The following PBK variants were observed in gnomAD, a reference collection of about 807,000 sequenced individuals.
The protein encoded by PBK is lymphokine-activated killer T-cell-originated protein kinase.
PBK carries 22 observed loss-of-function variants against 33.5 expected under a neutral mutation model. That is an observed-to-expected ratio of 0.66 (90% CI 0.47 to 0.94). The LOEUF is 0.94. PBK is among the 40% of genes least tolerant of loss of function. PBK has a pLI of 0.00. For synonymous variants in PBK, 129 were observed against 123.8 expected (o/e 1.04, Z -0.28); for missense variants, 376 against 383.4 (o/e 0.98, Z 0.16).
intron 6 of PBK, among the ~76,000 whole-genome samples, chr8:27,813,490 C>CCCCCAA (rs1327533217): frequency 6.6e-6 from 1 of 152,118 alleles, no homozygotes; most frequent in Non-Finnish European, 1.5e-5. Flanking sequence ...ATTGACTCCT[C>CCCCCAA]CCCCAAGCTT....
chr8:27,836,674 C>T (rs987560796), intron 1 of PBK, among the ~76,000 whole-genome samples: 8 of 152,056 alleles, frequency 5.3e-5, no homozygotes, highest in African/African-American at 1.7e-4. Context: ...TATGATGAGC[C>T]TTATGAGTCT....
At chr8:27,816,088 A>G (rs994375926) in intron 6 of PBK, among the ~76,000 whole-genome samples, 8 of 152,090 alleles carry the variant, frequency 5.3e-5, no homozygotes, top group African/African-American at 1.9e-4. Flanking sequence ...ATTAAACATC[A>G]TTTAGCGAGG....
At chr8:27,821,042 T>C (rs1805917967) in intron 5 of PBK, among the ~76,000 whole-genome samples, 1 of 151,914 alleles carries the variant, frequency 6.6e-6, no homozygotes, top group South Asian at 2.1e-4. Context: ...CAGGCTGGTC[T>C]GTCTCGAACT....
At chr8:27,821,658 C>T (rs929161219) in intron 5 of PBK, among the ~76,000 whole-genome samples, 6 of 152,148 alleles carry the variant, frequency 3.9e-5, no homozygotes, top group Admixed American at 6.5e-5. Flanking sequence ...ACTAATCCTA[C>T]ATACTTTATA....
intron 7 of PBK, 27 bp from the exon 8 acceptor site, chr8:27,810,528 T>A: frequency 7.1e-7 from 1 of 1,408,518 alleles, no homozygotes; most frequent in Non-Finnish European, 9.9e-7. Flanking sequence ...ATTGAAACAA[T>A]AAACAAAATC....
Position 27,811,159 on chromosome 8 carries a change from A to C in PBK, c.596-25T>G, listed in dbSNP as rs374524697. On this transcript the variant is annotated intron_variant, in intron 6 of 7. Transcript: ENST00000301905. The stretch of plus-strand genomic sequence containing the variant: ...ACTGAAACAAGCAAGATGGTTATGA[A>C]GGCAGGAGCTACAAATCACGAAAAG... 2.3e-4 allele frequency: 368 copies of C among 1,611,570 alleles called. No individual in the cohort carries two copies. The highest frequency in any genetic ancestry group is 2.8e-4 in the Non-Finnish European group (330 of 1,178,374).
intron 2 of PBK, among the ~76,000 whole-genome samples, chr8:27,831,518 A>T (rs1311863908): frequency 6.6e-6 from 1 of 152,224 alleles, no homozygotes; most frequent in African/African-American, 2.4e-5. Context: ...TAATATAAAA[A>T]GTATACAGAA....
chr8:27,829,877 A>C (rs1419312425), intron 2 of PBK, among the ~76,000 whole-genome samples: 1 of 150,344 alleles, frequency 6.7e-6, no homozygotes, highest in East Asian at 2.0e-4. Context: ...TCAAAAAATT[A>C]AAAAATCAAT....
chr8:27,830,096 G>A (rs375305398), intron 2 of PBK, among the ~76,000 whole-genome samples: 11 of 151,796 alleles, frequency 7.2e-5, no homozygotes, highest in Admixed American at 2.0e-4. Context: ...CCGACTACTC[G>A]GGAGGCTGAG....
rs867293593 is a variant in PBK, at chr8:27,820,553, A to C, written c.595+12T>G. Reference sequence around the variant, plus strand: ...TAAAAACAAAATTTTAAAACTTAAGAGTACAACTTACCAGTCATATTTTCA... The same window carrying C: ...TAAAAACAAAATTTTAAAACTTAAGCGTACAACTTACCAGTCATATTTTCA... On this transcript the variant is annotated intron_variant, in intron 6 of 7. Coordinates refer to ENST00000301905, the MANE Select transcript of PBK (RefSeq NM_018492.4). 6.6e-7 allele frequency: 1 copy of C among 1,513,946 alleles called. No homozygotes were observed. Among genetic ancestry groups the C allele is most frequent in the African/African-American group, 1.4e-5 (1 of 71,528 alleles). The allele number at this position is 1,513,946 out of a possible 1,614,324, so 93.8% of individuals were successfully genotyped here. A position where few individuals can be genotyped will look rare whatever the true frequency, so the allele number is the denominator to read the frequency against.
At chr8:27,814,619 C>G (rs980703240) in intron 6 of PBK, among the ~76,000 whole-genome samples, 1 of 152,020 alleles carries the variant, frequency 6.6e-6, no homozygotes, top group Non-Finnish European at 1.5e-5. Flanking sequence ...TAGAACTTTC[C>G]TTTTTTCCAA....
intron 6 of PBK, among the ~76,000 whole-genome samples, chr8:27,813,451 TAAAC>T (rs1455468405): frequency 3.9e-5 from 6 of 152,178 alleles, no homozygotes; most frequent in Admixed American, 1.3e-4. Context: ...CCCTAGAACT[TAAAC>T]AATTTTGTTA....
intron 1 of PBK, among the ~76,000 whole-genome samples, chr8:27,834,165 C>T (rs538059814): frequency 6.6e-6 from 1 of 151,870 alleles, no homozygotes; most frequent in South Asian, 2.1e-4. Context: ...GTAGCTGGGA[C>T]TACCAGCGCC....
rs1805658949 is a variant in PBK, at chr8:27,810,631, G to A, written c.773-130C>T. ...CTTTCCATTCTGCCACAGACAGAATGGAAATGTCTTCAATTGTCCTGCCAT... is the reference window on the plus strand; with the variant it reads ...CTTTCCATTCTGCCACAGACAGAATAGAAATGTCTTCAATTGTCCTGCCAT... On this transcript the variant is annotated intron_variant, in intron 7 of 7. Transcript: ENST00000301905. The A allele has an allele frequency of 4.8e-6, 3 of 619,086 alleles. No homozygotes were observed. In the South Asian group the frequency reaches 6.1e-5, roughly 13 times the overall value. 38.3% of individuals were successfully genotyped at this position (619,086 alleles called of 1,614,324 possible). A position where few individuals can be genotyped will look rare whatever the true frequency, so the allele number is the denominator to read the frequency against.
chr8:27,811,895 A>G (rs551195538), intron 6 of PBK: 1 of 152,334 alleles, frequency 6.6e-6, no homozygotes, highest in East Asian at 1.9e-4. Context: ...GGGTTTTGGT[A>G]CTTGTAAATA....
rs1479973852 is a variant in PBK, at chr8:27,810,034, G to A, written c.*271C>T. Reference sequence around the variant, plus strand: ...TCAATTTAATGTTACAGTTTACAGCGTTTTACTGCTAGTGTTTTAAGTCAG... The same window carrying A: ...TCAATTTAATGTTACAGTTTACAGCATTTTACTGCTAGTGTTTTAAGTCAG... On this transcript the variant is annotated 3_prime_UTR_variant, in exon 8 of 8. Coordinates refer to ENST00000301905, the MANE Select transcript of PBK (RefSeq NM_018492.4). 6 of 384,950 alleles carry A rather than the reference G, an allele frequency of 1.6e-5. No homozygotes were observed. The highest frequency in any genetic ancestry group is 7.3e-5 in the South Asian group (2 of 27,396). The allele number at this position is 384,950 out of a possible 1,614,324, so 23.8% of individuals were successfully genotyped here.
intron 6 of PBK, among the ~76,000 whole-genome samples, chr8:27,813,234 C>T (rs1805731841): frequency 1.3e-5 from 2 of 152,124 alleles, no homozygotes; most frequent in Admixed American, 6.5e-5. Flanking sequence ...AACCAAACAC[C>T]ACATGTCCTG....
At chr8:27,815,476 C>T (rs1805791894) in intron 6 of PBK, among the ~76,000 whole-genome samples, 1 of 152,098 alleles carries the variant, frequency 6.6e-6, no homozygotes, top group African/African-American at 2.4e-5. Context: ...TAAAGGTTTT[C>T]CCCTATACTG....
intron 6 of PBK, among the ~76,000 whole-genome samples, chr8:27,815,773 CTG>C (rs1440711619): frequency 2.6e-5 from 4 of 152,154 alleles, no homozygotes; most frequent in Non-Finnish European, 4.4e-5. Context: ...TTCTCCAAGT[CTG>C]TAAACATAAT....
Sources: allele counts gnomAD v4.1 joint callset (sites outside exome capture counted in the v4.1 genomes callset), GRCh38; gene constraint gnomAD v4.1.1; transcripts MANE v1.5; gene names NCBI Gene and HGNC (gene_info 2026-07-23, HGNC 2026-07-21).